Variants in CADM2 observed in about 807,000 individuals in gnomAD.
CADM2 encodes immunoglobulin superfamily member 4D.
A neutral mutation model predicts 49.8 loss-of-function variants in CADM2; 12 were observed. The ratio of observed to expected loss-of-function variants is 0.24; its 90% CI spans 0.15 to 0.39. The LOEUF is 0.39. Ranked by LOEUF, CADM2 falls within the 10% of genes least tolerant of loss-of-function variation. The pLI is 1.00. For synonymous variants in CADM2, 214 were observed against 175.4 expected (o/e 1.22, Z -1.74); for missense variants, 378 against 492.3 (o/e 0.77, Z 2.20).
intron 1 of CADM2, among the ~76,000 whole-genome samples, chr3:85,346,470 A>T (rs2030662066): frequency 1.3e-5 from 2 of 152,156 alleles, no homozygotes. Context: ...ATGTGATCAG[A>T]TGCATTAAGA....
chr3:85,990,085 TACTTAAAAAC>T (rs1728602408), intron 8 of CADM2, among the ~76,000 whole-genome samples: 1 of 86,940 alleles, frequency 1.2e-5, no homozygotes, highest in Non-Finnish European at 2.4e-5. Flanking sequence ...TAAATGGAAA[TACTTAAAAAC>T]ACTTAACAAT....
At chr3:85,579,376 T>C (rs960053926) in intron 1 of CADM2, among the ~76,000 whole-genome samples, 1 of 152,140 alleles carries the variant, frequency 6.6e-6, no homozygotes, top group African/African-American at 2.4e-5. Flanking sequence ...TCACAATCAC[T>C]GCCTAGTTTA....
intron 1 of CADM2, among the ~76,000 whole-genome samples, chr3:85,271,214 T>C (rs757429430): frequency 8.6e-5 from 13 of 151,460 alleles, no homozygotes; most frequent in Non-Finnish European, 1.6e-4. Flanking sequence ...AATCATGCTG[T>C]ATGTTAAAAC....
Position 85,692,654 on chromosome 3 carries a change from A to ACTTAAT in CADM2, c.62-33865_62-33860dup, listed in dbSNP as rs574223300. ...TGCTAAAATTATCAATTTAACTATCACTTAATCTAAGGCACTTTGTTTCTA... is the reference window on the plus strand; with the variant it reads ...TGCTAAAATTATCAATTTAACTATCACTTAATCTTAATCTAAGGCACTTTGTTTCTA... On this transcript the variant is annotated intron_variant, in intron 1 of 9. Coordinates refer to ENST00000383699, the MANE Select transcript of CADM2 (RefSeq NM_001167675.2). Among the ~76,000 whole-genome samples the ACTTAAT allele has an allele frequency of 4.5e-4, 69 of 152,314 alleles. 1 individual carries two copies. The highest frequency in any genetic ancestry group is 1.6e-3 in the African/African-American group (67 of 41,562).
At chr3:85,305,046 A>G (rs1219010333) in intron 1 of CADM2, among the ~76,000 whole-genome samples, 1 of 151,694 alleles carries the variant, frequency 6.6e-6, no homozygotes, top group Non-Finnish European at 1.5e-5. Context: ...TACATCCATT[A>G]TTTATTTTAG....
intron 1 of CADM2, among the ~76,000 whole-genome samples, chr3:85,095,343 A>AT (rs2037753961): frequency 6.6e-6 from 1 of 152,168 alleles, no homozygotes; most frequent in African/African-American, 2.4e-5. Flanking sequence ...AGGTGGTCCA[A>AT]TTATTCAGAG....
intron 8 of CADM2, among the ~76,000 whole-genome samples, chr3:85,991,945 T>C (rs548087304): frequency 3.2e-4 from 48 of 152,078 alleles, no homozygotes; most frequent in Admixed American, 8.5e-4. Flanking sequence ...TGAAATACAC[T>C]AAAACTTTTT....
chr3:85,304,505 A>G (rs2044169788), intron 1 of CADM2, among the ~76,000 whole-genome samples: 1 of 151,794 alleles, frequency 6.6e-6, no homozygotes, highest in Non-Finnish European at 1.5e-5. Context: ...TATTGACATT[A>G]TCAAAAAAGG....
At chr3:85,598,031 T>G (rs1225979175) in intron 1 of CADM2, among the ~76,000 whole-genome samples, 3 of 152,182 alleles carry the variant, frequency 2.0e-5, no homozygotes, top group African/African-American at 4.8e-5. Flanking sequence ...ACATATAGCT[T>G]TAGATTACAT....
At chr3:85,837,201 G>A (rs1337347384) in intron 3 of CADM2, among the ~76,000 whole-genome samples, 1 of 151,472 alleles carries the variant, frequency 6.6e-6, no homozygotes, top group African/African-American at 2.4e-5. Flanking sequence ...GTGTTATAAT[G>A]TTTGATGAGT....
intron 1 of CADM2, among the ~76,000 whole-genome samples, chr3:85,666,422 G>C (rs115181723): frequency 6.6e-6 from 1 of 151,832 alleles, no homozygotes. Flanking sequence ...GGTAAGGGGA[G>C]AAAAAGTCAT....
At chr3:85,797,694 A>C (rs55816776) in intron 2 of CADM2, among the ~76,000 whole-genome samples, 3 of 152,156 alleles carry the variant, frequency 2.0e-5, no homozygotes, top group Non-Finnish European at 4.4e-5. Flanking sequence ...AGTCTTTGCT[A>C]TTGTGAATAC....
At chr3:85,854,253 A>G (rs537554557) in intron 3 of CADM2, among the ~76,000 whole-genome samples, 1 of 152,242 alleles carries the variant, frequency 6.6e-6, no homozygotes, top group South Asian at 2.1e-4. Flanking sequence ...TCTAAATCCC[A>G]TTTGACTCAG....
intron 2 of CADM2, among the ~76,000 whole-genome samples, chr3:85,779,574 G>T (rs749621855): frequency 6.6e-6 from 1 of 152,080 alleles, no homozygotes; most frequent in Non-Finnish European, 1.5e-5. Context: ...AAAACCATCA[G>T]ATCTTGTGAG....
rs540609564 is a variant in CADM2 at position 85,694,446 on chromosome 3, C to T, written c.62-32076C>T. 5.9e-5 allele frequency among the ~76,000 whole-genome samples: 9 copies of T among 152,248 alleles called. No individual in the cohort carries two copies. The South Asian group carries it at 1.7e-3, about 28-fold the overall frequency. The stretch of plus-strand genomic sequence containing the variant: ...AGAGAACTCAGCAGAACTTACCCTT[C>T]CAGTACCTGAATCTTGGACTTCCAG... On this transcript the variant is annotated intron_variant, in intron 1 of 9. Transcript: ENST00000383699.
intron 1 of CADM2, among the ~76,000 whole-genome samples, chr3:85,532,407 A>G (rs2061333957): frequency 6.6e-6 from 1 of 152,156 alleles, no homozygotes; most frequent in African/African-American, 2.4e-5. Context: ...TTCTTTCTTT[A>G]AATTTTAATT....
At chr3:85,082,614 T>C (rs190003195) in intron 1 of CADM2, among the ~76,000 whole-genome samples, 116 of 152,252 alleles carry the variant, frequency 7.6e-4, no homozygotes, top group Non-Finnish European at 1.3e-3. Flanking sequence ...TAGAAGTGAC[T>C]TGATAACTAG....
intron 1 of CADM2, among the ~76,000 whole-genome samples, chr3:85,074,799 A>G (rs1027778754): frequency 2.6e-5 from 4 of 152,096 alleles, no homozygotes; most frequent in Non-Finnish European, 2.9e-5. Context: ...GTTCTCACGT[A>G]TATCAGTAAT....
chr3:85,897,992 C>G (rs1472756697), intron 5 of CADM2, among the ~76,000 whole-genome samples: 1 of 151,858 alleles, frequency 6.6e-6, no homozygotes, highest in Non-Finnish European at 1.5e-5. Flanking sequence ...TGAAAGTGGC[C>G]TTGCCATTTC....
Sources: allele counts gnomAD v4.1 joint callset (sites outside exome capture counted in the v4.1 genomes callset), GRCh38; gene constraint gnomAD v4.1.1; transcripts MANE v1.5; gene names NCBI Gene and HGNC (gene_info 2026-07-23, HGNC 2026-07-21).